The following PLCB1 variants were observed in gnomAD, a reference collection of about 807,000 sequenced individuals.
The protein encoded by PLCB1 is phospholipase C beta 1.
In PLCB1, 46 loss-of-function variants were observed where a neutral mutation model predicts 161.8. The ratio of observed to expected loss-of-function variants is 0.28; its 90% CI spans 0.22 to 0.36. The LOEUF is 0.36. Among genes scored for constraint, PLCB1 ranks in the 10% least tolerant of loss-of-function variants. The pLI is 1.00. For missense variants in PLCB1, 1,016 were observed against 1,472.5 expected (o/e 0.69, Z 5.07); for synonymous variants, 517 against 503.7 (o/e 1.03, Z -0.35).
intron 3 of PLCB1, among the ~76,000 whole-genome samples, chr20:8,526,772 C>A (rs905457892): frequency 6.6e-6 from 1 of 152,030 alleles, no homozygotes; most frequent in African/African-American, 2.4e-5. Context: ...AGTAATATGG[C>A]CAGCTGTGGG....
chr20:8,224,193 G>A (rs1979555584), intron 2 of PLCB1, among the ~76,000 whole-genome samples: 1 of 152,140 alleles, frequency 6.6e-6, no homozygotes, highest in Non-Finnish European at 1.5e-5. Flanking sequence ...ATGTGGATTT[G>A]AGTCCTGGCT....
At chr20:8,604,844 C>G (rs1410764905) in intron 3 of PLCB1, among the ~76,000 whole-genome samples, 4 of 151,944 alleles carry the variant, frequency 2.6e-5, no homozygotes, top group African/African-American at 7.3e-5. Flanking sequence ...AGGATGCCTC[C>G]TGGAATTGTG....
intron 5 of PLCB1, among the ~76,000 whole-genome samples, chr20:8,647,376 G>A (rs141735534): frequency 1.6e-4 from 25 of 152,276 alleles, no homozygotes; most frequent in African/African-American, 6.0e-4. Context: ...CCTATGAATA[G>A]CTACTATGGA....
intron 2 of PLCB1, among the ~76,000 whole-genome samples, chr20:8,176,431 T>C (rs747671408): frequency 2.0e-5 from 3 of 152,174 alleles, no homozygotes; most frequent in Non-Finnish European, 4.4e-5. Flanking sequence ...AGTTTTGCAA[T>C]GGCAAAATTT....
At chr20:8,314,595 G>T (rs1362546390) in intron 2 of PLCB1, among the ~76,000 whole-genome samples, 1 of 152,100 alleles carries the variant, frequency 6.6e-6, no homozygotes, top group Non-Finnish European at 1.5e-5. Context: ...ACCAAATGAG[G>T]GTTGTTTTGA....
intron 10 of PLCB1, among the ~76,000 whole-genome samples, chr20:8,689,915 A>G (rs1300833127): frequency 1.4e-5 from 1 of 69,302 alleles, no homozygotes; most frequent in African/African-American, 4.1e-5. Context: ...ATTAGGAAAG[A>G]AAAGGGTTTA....
intron 2 of PLCB1, among the ~76,000 whole-genome samples, chr20:8,318,817 A>G (rs1181699394): frequency 1.3e-5 from 2 of 152,184 alleles, no homozygotes; most frequent in East Asian, 3.9e-4. Context: ...CTGATGTTCA[A>G]ATAATACAAT....
chr20:8,641,641 A>C (rs2123265568), intron 4 of PLCB1, among the ~76,000 whole-genome samples: 1 of 152,310 alleles, frequency 6.6e-6, no homozygotes, highest in East Asian at 1.9e-4. Context: ...TACCTGATTG[A>C]TTGTTCAAGA....
At chr20:8,722,705 T>C (rs1261798611) in intron 15 of PLCB1, among the ~76,000 whole-genome samples, 1 of 152,146 alleles carries the variant, frequency 6.6e-6, no homozygotes, top group Non-Finnish European at 1.5e-5. Flanking sequence ...CCGAGTAACT[T>C]GATTAGCTCA....
chr20:8,762,552 G>T (rs1982096435), intron 25 of PLCB1, among the ~76,000 whole-genome samples: 1 of 152,126 alleles, frequency 6.6e-6, no homozygotes, highest in Admixed American at 6.5e-5. Context: ...TAGCTGATAT[G>T]CTGTAAACCA....
At chr20:8,741,210 T>C (rs1600290280) in intron 22 of PLCB1, among the ~76,000 whole-genome samples, 1 of 152,330 alleles carries the variant, frequency 6.6e-6, no homozygotes, top group Admixed American at 6.5e-5. Flanking sequence ...AATTTCTCTC[T>C]TCCTGAAGTT....
chr20:8,472,885 ATTG>A (rs1982115538), intron 3 of PLCB1, among the ~76,000 whole-genome samples: 1 of 152,130 alleles, frequency 6.6e-6, no homozygotes, highest in Admixed American at 6.5e-5. Flanking sequence ...TGAAGTTTAC[ATTG>A]TTGTTTACAA....
At chr20:8,708,115 G>A (rs145748624) in intron 11 of PLCB1, among the ~76,000 whole-genome samples, 1 of 151,990 alleles carries the variant, frequency 6.6e-6, no homozygotes. Context: ...GATGGTGCTC[G>A]CATGACTCTC....
At chr20:8,317,048 C>G (rs1356643462) in intron 2 of PLCB1, among the ~76,000 whole-genome samples, 2 of 148,696 alleles carry the variant, frequency 1.3e-5, no homozygotes, top group Admixed American at 6.9e-5. Flanking sequence ...TAATAGATGG[C>G]AATAAATGCT....
intron 2 of PLCB1, among the ~76,000 whole-genome samples, chr20:8,370,909 G>T (rs1001938027): frequency 6.6e-6 from 1 of 152,200 alleles, no homozygotes; most frequent in Non-Finnish European, 1.5e-5. Flanking sequence ...TGAGGTATGT[G>T]TGCAAAAGGC....
intron 27 of PLCB1, among the ~76,000 whole-genome samples, chr20:8,781,401 CACACACACACACACAA>C (rs1158805429): frequency 0.029 from 2,395 of 84,032 alleles, 22 homozygotes; most frequent in Middle Eastern, 0.049. Context: ...CACACAAACA[CACACACACACACACAA>C]ACACACACAC....
intron 31 of PLCB1, among the ~76,000 whole-genome samples, chr20:8,793,999 T>C (rs922573671): frequency 3.3e-5 from 5 of 152,206 alleles, no homozygotes; most frequent in Admixed American, 3.3e-4. Flanking sequence ...GCGATATTTC[T>C]CCCATTTGCT....
In PLCB1 at chr20:8,417,815, TCTTGTA is replaced by T. The variant is rs1253110215; in HGVS notation, c.246+46371_246+46376del. Among the ~76,000 whole-genome samples the T allele has an allele frequency of 2.6e-5, 4 of 152,338 alleles. No homozygotes were observed. In the East Asian group the frequency reaches 5.8e-4, roughly 22 times the overall value. ...TACCATCTTGGATACCAAATGTCCATCTTGTACTTGTGAATAATAATTCAGTCTAGC... is the reference window on the plus strand; with the variant it reads ...TACCATCTTGGATACCAAATGTCCATCTTGTGAATAATAATTCAGTCTAGC... On this transcript the variant is annotated intron_variant, in intron 3 of 31. Coordinates refer to ENST00000338037, the MANE Select transcript of PLCB1 (RefSeq NM_015192.4).
At chr20:8,281,082 A>G (rs1982854466) in intron 2 of PLCB1, among the ~76,000 whole-genome samples, 1 of 152,224 alleles carries the variant, frequency 6.6e-6, no homozygotes. Flanking sequence ...TTCTAAAAGT[A>G]AAAATCCTAT....
Sources: gnomAD v4.1 joint callset for allele counts (sites outside exome capture counted in the v4.1 genomes callset) on GRCh38, gnomAD v4.1.1 for gene constraint, MANE v1.5 for transcripts, NCBI Gene and HGNC (gene_info 2026-07-23, HGNC 2026-07-21) for gene names.